Variants in PIAS2 observed in about 807,000 individuals in gnomAD.
The protein encoded by PIAS2 is protein inhibitor of activated STAT 2.
In PIAS2, 19 loss-of-function variants were observed where a neutral mutation model predicts 69.7. The observed-to-expected ratio is 0.27, with a 90% CI of 0.19 to 0.40. PIAS2 has a LOEUF of 0.40. Ranked by LOEUF, PIAS2 falls within the 10% of genes least tolerant of loss-of-function variation. The pLI, the probability that PIAS2 is intolerant of heterozygous loss-of-function variation, is 1.00. For missense variants in PIAS2, 624 were observed against 757.0 expected (o/e 0.82, Z 2.06); for synonymous variants, 261 against 263.2 (o/e 0.99, Z 0.08).
rs752391747 is a variant in PIAS2, at chr18:46,874,083, T to TG, written c.500-9836dup. Among the ~76,000 whole-genome samples, 100 of 152,330 alleles carry TG rather than the reference T, an allele frequency of 6.6e-4. 1 individual carries two copies. The highest frequency in any genetic ancestry group is 7.8e-4 in the Admixed American group (12 of 15,300). ...CTCAAGCTCTGTGTGATGCAGTTCT[T>TG]GGAGTCTCCAGATGTAGAGGAATTT... On this transcript the variant is annotated intron_variant, in intron 2 of 13. Coordinates refer to ENST00000585916, the MANE Select transcript of PIAS2 (RefSeq NM_004671.5).
intron 1 of PIAS2, among the ~76,000 whole-genome samples, chr18:46,906,983 T>C (rs1223365073): frequency 6.6e-6 from 1 of 152,084 alleles, no homozygotes; most frequent in African/African-American, 2.4e-5. Context: ...TCTGTGTGAA[T>C]GCAGGAGGCA....
rs191282827 is a variant in PIAS2, at chr18:46,826,444, A to G, written c.1508+1515T>C. ...TCATGAGTCAGCATCACTAGGCATG[A>G]CCTCTCAACCTGGCATGAATTCAGC... On this transcript the variant is annotated intron_variant, in intron 11 of 13. Coordinates refer to ENST00000585916, the MANE Select transcript of PIAS2 (RefSeq NM_004671.5). Among the ~76,000 whole-genome samples, 5 of 152,204 alleles carry G rather than the reference A, an allele frequency of 3.3e-5. No homozygotes were observed. The East Asian group carries it at 7.7e-4, about 24-fold the overall frequency.
chr18:46,829,331 T>C (rs2043261430), intron 10 of PIAS2, among the ~76,000 whole-genome samples: 1 of 152,102 alleles, frequency 6.6e-6, no homozygotes, highest in African/African-American at 2.4e-5. Context: ...CCTGTGACCA[T>C]CCCCAAACCA....
rs2043321251 is a variant in PIAS2 at position 46,829,717 on chromosome 18, T to C, written c.1336+17A>G. The C allele has an allele frequency of 6.2e-7, 1 of 1,608,678 alleles. No homozygotes were observed. Among genetic ancestry groups the C allele is most frequent in the South Asian group, 1.1e-5 (1 of 90,166 alleles). ...CGAGTCTCACTGCTTTACTCTCTGC[T>C]GCTATTCTACACATACTTTCTATTT... is the stretch of plus-strand genomic sequence containing the variant. On this transcript the variant is annotated intron_variant, in intron 10 of 13. Transcript: ENST00000585916.
chr18:46,842,729 A>G (rs116047518), intron 8 of PIAS2, among the ~76,000 whole-genome samples: 4,643 of 152,278 alleles, frequency 0.03, 200 homozygotes, highest in African/African-American at 0.1. Flanking sequence ...GAAGGTTTGC[A>G]TAGAGCCTGC....
chr18:46,864,730 A>G (rs550643415), intron 2 of PIAS2, among the ~76,000 whole-genome samples: 1 of 150,766 alleles, frequency 6.6e-6, no homozygotes, highest in Admixed American at 6.6e-5. Context: ...AGATTGCACC[A>G]TTGCACTCCA....
chr18:46,828,144 A>C lies in PIAS2; in HGVS notation c.1337-14T>G. On this transcript the variant is annotated splice_polypyrimidine_tract_variant and intron_variant, in intron 10 of 13. Coordinates refer to ENST00000585916, the MANE Select transcript of PIAS2 (RefSeq NM_004671.5). ...GGACGCTTGAACCTGCATGTAAAGA[A>C]ACAAAAGGAAAAAAAAATTAAAGGT... is the stretch of plus-strand genomic sequence containing the variant. 1.9e-6 allele frequency: 3 copies of C among 1,582,558 alleles called. No homozygotes were observed. The highest frequency in any genetic ancestry group is 2.6e-6 in the Non-Finnish European group (3 of 1,167,598).
chr18:46,887,835 C>T (rs2053454165), intron 2 of PIAS2, among the ~76,000 whole-genome samples: 1 of 152,034 alleles, frequency 6.6e-6, no homozygotes, highest in Admixed American at 6.6e-5. Context: ...GATTTCTACA[C>T]CATAAGAATG....
Position 46,917,442 on chromosome 18 carries a change from A to G in PIAS2, c.-97T>C. ...CACCACGGCCGCCGCCGCCTCCAGC[A>G]CCATCCTGCACTGGGCGCCGCTTAA... On this transcript the variant is annotated 5_prime_UTR_variant, in exon 1 of 14. Transcript: ENST00000585916. The G allele has an allele frequency of 7.9e-7, 1 of 1,264,818 alleles. No individual in the cohort carries two copies. The highest frequency in any genetic ancestry group is 3.0e-5 in the South Asian group (1 of 33,792). 78.3% of individuals were successfully genotyped at this position (1,264,818 alleles called of 1,614,324 possible).
intron 12 of PIAS2, chr18:46,816,330 T>C (rs2041532152): frequency 2.1e-6 from 2 of 957,740 alleles, no homozygotes; most frequent in African/African-American, 1.8e-5. Context: ...ACTCAAAAAA[T>C]TTAAGTATAT....
At position 46,836,515 on chromosome 18, in the gene PIAS2, T is replaced by C. The variant is rs770315131; in HGVS notation, c.1044A>G (p.Leu348=). ...TSLRVSLMCP[L]GKMRLTIPCR... Reference sequence around the variant, plus strand: ...ATGGGATTGTCAGCCTCATTTTTCCTAACTACAGGACAGGAAACACAAGGA... The same window carrying C: ...ATGGGATTGTCAGCCTCATTTTTCCCAACTACAGGACAGGAAACACAAGGA... The change falls in exon 9 of 14, where the codon TTA becomes TTG. Residue 348 remains leucine, a splice_region_variant and synonymous_variant. Transcript: ENST00000585916. 1.2e-6 allele frequency: 2 copies of C among 1,611,128 alleles called. No homozygotes were observed. The highest frequency in any genetic ancestry group is 1.1e-5 in the South Asian group (1 of 90,554).
At chr18:46,816,482 T>A in intron 12 of PIAS2, 1 of 980,884 alleles carries the variant, frequency 1.0e-6, no homozygotes, top group African/African-American at 1.7e-5. Context: ...TTTTTTTTTT[T>A]TCCTTTTTTT....
chr18:46,903,186 A>G (rs1473336874), intron 1 of PIAS2, among the ~76,000 whole-genome samples: 1 of 152,236 alleles, frequency 6.6e-6, no homozygotes, highest in East Asian at 1.9e-4. Context: ...CAAGATCCAT[A>G]AAAGGAAATA....
chr18:46,819,256 A>C (rs913629580), intron 12 of PIAS2, among the ~76,000 whole-genome samples: 2 of 152,158 alleles, frequency 1.3e-5, no homozygotes, highest in Non-Finnish European at 2.9e-5. Context: ...CAGCCATAAA[A>C]GGCAGTTGGG....
intron 12 of PIAS2, 55 bp downstream of exon 12, chr18:46,820,878 T>G: frequency 6.5e-7 from 1 of 1,538,178 alleles, no homozygotes; most frequent in Middle Eastern, 1.7e-4. Flanking sequence ...CAGATTAAGA[T>G]TAAAAAAAAT....
chr18:46,857,612 G>T (rs190584727), intron 3 of PIAS2, among the ~76,000 whole-genome samples: 3 of 152,264 alleles, frequency 2.0e-5, no homozygotes, highest in East Asian at 3.9e-4. Context: ...AACACGATGT[G>T]AAGAAAGAGA....
At chr18:46,882,087 ACTTTGT>A (rs938511769) in intron 2 of PIAS2, among the ~76,000 whole-genome samples, 9 of 151,652 alleles carry the variant, frequency 5.9e-5, no homozygotes, top group African/African-American at 2.2e-4. Flanking sequence ...ACAGAACAAG[ACTTTGT>A]CTCGGTGGCG....
chr18:46,862,297 C>T (rs535919729), intron 3 of PIAS2, among the ~76,000 whole-genome samples: 1 of 152,182 alleles, frequency 6.6e-6, no homozygotes, highest in Non-Finnish European at 1.5e-5. Flanking sequence ...TGCTACTGCA[C>T]TCACTCCAGC....
intron 2 of PIAS2, among the ~76,000 whole-genome samples, chr18:46,876,187 C>T (rs1037582033): frequency 2.0e-5 from 3 of 152,144 alleles, no homozygotes; most frequent in African/African-American, 7.2e-5. Context: ...ATTGGCCATC[C>T]CTTTCACCCT....
Sources: allele counts gnomAD v4.1 joint callset (sites outside exome capture counted in the v4.1 genomes callset), GRCh38; gene constraint gnomAD v4.1.1; transcripts MANE v1.5; gene names NCBI Gene and HGNC (gene_info 2026-07-23, HGNC 2026-07-21).